WDFY3: variants seen among roughly 807,000 people sequenced by gnomAD.
WDFY3 encodes the protein WD repeat and FYVE domain-containing protein 3.
In WDFY3, 66 loss-of-function variants were observed where a neutral mutation model predicts 409.6. The observed-to-expected ratio is 0.16, with a 90% CI of 0.13 to 0.20. The LOEUF is 0.20. Among genes scored for constraint, WDFY3 ranks in the 10% least tolerant of loss-of-function variants. WDFY3 has a pLI of 1.00. For missense variants in WDFY3, 3,031 were observed against 4,298.1 expected, an observed-to-expected ratio of 0.71 and a Z score of 8.24; for synonymous variants, 1,521 against 1,537.1, an observed-to-expected ratio of 0.99 and a Z score of 0.25.
At chr4:84,767,552 GCT>G (rs968934106) in intron 30 of WDFY3, among the ~76,000 whole-genome samples, 6 of 151,728 alleles carry the variant, frequency 4.0e-5, no homozygotes, top group Non-Finnish European at 7.4e-5. Flanking sequence ...TAAAAAGTTA[GCT>G]AAGTTGTGAA....
intron 24 of WDFY3, among the ~76,000 whole-genome samples, chr4:84,783,582 G>C (rs1746952226): frequency 6.6e-6 from 1 of 152,040 alleles, no homozygotes; most frequent in Non-Finnish European, 1.5e-5. Context: ...CAGCTTCAGG[G>C]GTCTTTGTGA....
At chr4:84,694,778 T>C (rs138978326) in intron 58 of WDFY3, among the ~76,000 whole-genome samples, 1 of 151,968 alleles carries the variant, frequency 6.6e-6, no homozygotes, top group African/African-American at 2.4e-5. Context: ...AAAATAAAAA[T>C]AAATAAAAAT....
chr4:84,688,351 GA>G, intron 61 of WDFY3, 86 bp from the exon 62 acceptor site: 1 of 1,365,222 alleles, frequency 7.3e-7, no homozygotes, highest in Non-Finnish European at 1.0e-6. Context: ...GATGCATCAG[GA>G]AGCAGTGGCA....
At position 84,845,073 on chromosome 4, in the gene WDFY3, C is replaced by T. The variant is rs17369047; in HGVS notation, c.305-3810G>A. Among the ~76,000 whole-genome samples, 959 of 152,230 alleles carry T rather than the reference C, an allele frequency of 6.3e-3. 4 individuals carry two copies. Among genetic ancestry groups the T allele is most frequent in the Non-Finnish European group, 9.7e-3 (663 of 68,024 alleles). On this transcript the variant is annotated intron_variant, in intron 5 of 67. Coordinates refer to ENST00000295888, the MANE Select transcript of WDFY3 (RefSeq NM_014991.6). ...AACAGAACTGCACATAAGCTTGTTTCCTACTGAGATATCTACAGCCCATAT... is the reference window on the plus strand; with the variant it reads ...AACAGAACTGCACATAAGCTTGTTTTCTACTGAGATATCTACAGCCCATAT...
chr4:84,679,841 T>TATATATATATATATATATATATACACAC (rs1235574031), intron 64 of WDFY3, among the ~76,000 whole-genome samples: 2 of 141,260 alleles, frequency 1.4e-5, no homozygotes, highest in African/African-American at 5.3e-5. Context: ...TATATATATA[T>TATATATATATATATATATATATACACAC]ACACACACAC....
At chr4:84,918,579 G>A (rs772158498) in intron 2 of WDFY3, among the ~76,000 whole-genome samples, 1 of 151,850 alleles carries the variant, frequency 6.6e-6, no homozygotes, top group Non-Finnish European at 1.5e-5. Flanking sequence ...TGTTGTTTTT[G>A]TTTTTAGTGA....
intron 64 of WDFY3, among the ~76,000 whole-genome samples, chr4:84,681,846 A>T (rs1185270418): frequency 1.3e-5 from 2 of 152,198 alleles, no homozygotes; most frequent in East Asian, 3.8e-4. Context: ...TCACTGAAAA[A>T]TTTTAAATTG....
intron 2 of WDFY3, among the ~76,000 whole-genome samples, chr4:84,908,988 T>C (rs75438412): frequency 0.038 from 5,718 of 152,100 alleles, 208 homozygotes; most frequent in Admixed American, 0.11. Flanking sequence ...TGGATTCATA[T>C]TAAACTAAAT....
intron 1 of WDFY3, among the ~76,000 whole-genome samples, chr4:84,963,018 C>T (rs1406860134): frequency 6.6e-6 from 1 of 151,602 alleles, no homozygotes; most frequent in Non-Finnish European, 1.5e-5. Flanking sequence ...ATACACCACA[C>T]ACACCAAGGG....
chr4:84,849,705 C>A, intron 5 of WDFY3, 197 bp downstream of exon 5: 1 of 595,322 alleles, frequency 1.7e-6, no homozygotes, highest in East Asian at 3.6e-5. Context: ...GGCAGAGTAG[C>A]CTTGAGCAGA....
intron 1 of WDFY3, among the ~76,000 whole-genome samples, chr4:84,956,268 C>G (rs936901575): frequency 6.6e-6 from 1 of 152,052 alleles, no homozygotes; most frequent in East Asian, 1.9e-4. Flanking sequence ...GATCTCCACT[C>G]GTAACACAGG....
intron 21 of WDFY3, among the ~76,000 whole-genome samples, chr4:84,791,943 T>C (rs1451328708): frequency 6.6e-6 from 1 of 152,178 alleles, no homozygotes; most frequent in East Asian, 1.9e-4. Flanking sequence ...TTACCTTTTA[T>C]CAGTACTTAA....
At chr4:84,794,483 T>C in intron 21 of WDFY3, 36 bp downstream of exon 21, 5 of 1,571,312 alleles carry the variant, frequency 3.2e-6, no homozygotes, top group Non-Finnish European at 4.3e-6. Flanking sequence ...TTAATACTTC[T>C]ATAATCAAAA....
At chr4:84,789,123 G>A (rs1228411152) in intron 22 of WDFY3, among the ~76,000 whole-genome samples, 3 of 152,182 alleles carry the variant, frequency 2.0e-5, no homozygotes, top group South Asian at 4.1e-4. Context: ...TCTGTACAAA[G>A]TAACAAGCAG....
At chr4:84,688,596 T>C (rs1409502247) in intron 61 of WDFY3, among the ~76,000 whole-genome samples, 1 of 152,204 alleles carries the variant, frequency 6.6e-6, no homozygotes, top group Non-Finnish European at 1.5e-5. Context: ...ATACCATTTT[T>C]ATGTAGAGAT....
chr4:84,888,471 CAA>C (rs1764514958), intron 3 of WDFY3, among the ~76,000 whole-genome samples: 1 of 152,110 alleles, frequency 6.6e-6, no homozygotes, highest in African/African-American at 2.4e-5. Flanking sequence ...ACTCCAATAT[CAA>C]GAGTACTTAA....
chr4:84,795,214 A>T (rs946801559), intron 19 of WDFY3, among the ~76,000 whole-genome samples: 2 of 152,180 alleles, frequency 1.3e-5, no homozygotes, highest in Non-Finnish European at 2.9e-5. Context: ...AAAAAAAATG[A>T]AGATACAAAA....
intron 36 of WDFY3, among the ~76,000 whole-genome samples, chr4:84,746,771 T>TTA (rs1295839723): frequency 6.6e-6 from 1 of 152,150 alleles, no homozygotes; most frequent in Non-Finnish European, 1.5e-5. Context: ...GACACAGGGC[T>TTA]TATATATATA....
intron 1 of WDFY3, among the ~76,000 whole-genome samples, chr4:84,947,143 G>C (rs1454374033): frequency 1.3e-5 from 2 of 151,880 alleles, no homozygotes; most frequent in Admixed American, 6.6e-5. Context: ...ATAAATTGAA[G>C]ATGCAAGGCA....
Sources: allele counts gnomAD v4.1 joint callset (sites outside exome capture counted in the v4.1 genomes callset), GRCh38; gene constraint gnomAD v4.1.1; transcripts MANE v1.5; gene names NCBI Gene and HGNC (gene_info 2026-07-23, HGNC 2026-07-21).